MTO1: variants seen among roughly 807,000 people sequenced by gnomAD.
MTO1 encodes 5-taurinomethyluridine-[tRNA] synthase subunit MTO1, mitochondrial.
MTO1 carries 46 observed loss-of-function variants against 71.6 expected under a neutral mutation model. That is an observed-to-expected ratio of 0.64 (90% CI 0.51 to 0.82). The LOEUF is 0.82. Among genes scored for constraint, MTO1 ranks in the 40% least tolerant of loss-of-function variants. The probability of loss-of-function intolerance (pLI) is 0.00; values close to 1 mark genes in which losing one functional copy is unlikely to be tolerated. For synonymous variants in MTO1, 297 were observed against 312.1 expected (o/e 0.95, Z 0.51); for missense variants, 773 against 867.5 (o/e 0.89, Z 1.37).
At chr6:73,462,213 G>C in intron 1 of MTO1, 142 bp downstream of exon 1, 1 of 884,458 alleles carries the variant, frequency 1.1e-6, no homozygotes, top group Non-Finnish European at 1.7e-6. Flanking sequence ...CTCGATCAGT[G>C]TCTCGCAAGG....
chr6:73,482,890 C>G (rs1309676286), intron 9 of MTO1, among the ~76,000 whole-genome samples: 1 of 141,770 alleles, frequency 7.1e-6, no homozygotes, highest in African/African-American at 2.6e-5. Context: ...CTCCCGGGTT[C>G]GCGCCATTCT....
Position 73,473,547 on chromosome 6 carries a change from C to T in MTO1, c.718C>T (p.Pro240Ser), listed in dbSNP as rs1192411843. The change falls in exon 4 of 12, where the codon CCA (proline) becomes TCA (serine). Residue 240 changes from proline (P) to serine (S), a missense_variant. Coordinates refer to ENST00000498286, the MANE Select transcript of MTO1 (RefSeq NM_012123.4). ...FVVGRLKTGT[P>S]PRIAKESINF... is the part of the protein sequence containing the mutation. ...GGTGGGAAGGTTGAAGACTGGGACT[C>T]CACCCCGAATTGCCAAAGAGTCCAT... 6.2e-7 allele frequency: 1 copy of T among 1,613,910 alleles called. No homozygotes were observed. Among genetic ancestry groups the T allele is most frequent in the East Asian group, 2.2e-5 (1 of 44,870 alleles).
At chr6:73,488,869 G>T (rs1301184324) in intron 9 of MTO1, among the ~76,000 whole-genome samples, 5 of 152,192 alleles carry the variant, frequency 3.3e-5, no homozygotes, top group Non-Finnish European at 4.4e-5. Context: ...AGTGAGCACA[G>T]ATCATGCCAC....
At chr6:73,481,865 T>G (rs151139268) in intron 7 of MTO1, among the ~76,000 whole-genome samples, 175 bp from the exon 8 acceptor site, 3 of 152,164 alleles carry the variant, frequency 2.0e-5, no homozygotes, top group African/African-American at 7.2e-5. Flanking sequence ...TAAAGTGATA[T>G]ATTACCCATA....
chr6:73,482,922 G>T (rs1310379004), intron 9 of MTO1, among the ~76,000 whole-genome samples: 5 of 150,384 alleles, frequency 3.3e-5, no homozygotes, highest in African/African-American at 1.2e-4. Context: ...CCCCCGAGTA[G>T]CTGGGACTAC....
chr6:73,497,248 G>T (rs1421420368), intron 10 of MTO1, among the ~76,000 whole-genome samples: 1 of 136,248 alleles, frequency 7.3e-6, no homozygotes, highest in East Asian at 2.4e-4. Context: ...CACCTCCGGG[G>T]TTCAAGCAAT....
rs568109705 is a variant in MTO1 at position 73,500,795 on chromosome 6, T to C, written c.*60T>C. On this transcript the variant is annotated 3_prime_UTR_variant, in exon 12 of 12. Transcript: ENST00000498286. The stretch of plus-strand genomic sequence containing the variant: ...AAATAATTTGATCAATACAACAGTA[T>C]AGATAAAAGAATTATTTAGCACATG... 12 of 1,280,136 alleles carry C rather than the reference T, an allele frequency of 9.4e-6. No individual in the cohort carries two copies. The African/African-American group carries it at 1.1e-4, about 11-fold the overall frequency. The allele number at this position is 1,280,136 out of a possible 1,614,324, so 79.3% of individuals were successfully genotyped here.
chr6:73,466,314 G>T lies in MTO1; in HGVS notation c.323G>T (p.Gly108Val). 6.2e-7 allele frequency: 1 copy of T among 1,614,156 alleles called. No individual in the cohort carries two copies. The highest frequency in any genetic ancestry group is 8.5e-7 in the Non-Finnish European group (1 of 1,180,036). Residue 108 changes from glycine to valine, a missense_variant, in exon 2 of 12, where the codon GGT (glycine) becomes GTT (valine). By Grantham distance (109) the Gly-to-Val change is moderately radical. Coordinates refer to ENST00000498286, the MANE Select transcript of MTO1 (RefSeq NM_012123.4). Reference protein sequence around the residue: ...GLCSRICDQSGVHYKVLNRRK... With the variant: ...GLCSRICDQSVVHYKVLNRRK... ...TGTTCTCGCATCTGTGACCAGTCTG[G>T]TGTACATTATAAAGTATTAAACCGG...
chr6:73,500,128 A>C (rs1772113680), intron 11 of MTO1, among the ~76,000 whole-genome samples: 1 of 152,120 alleles, frequency 6.6e-6, no homozygotes, highest in Admixed American at 6.6e-5. Flanking sequence ...GTTTTCTGAG[A>C]GGCTAGTACT....
intron 10 of MTO1, among the ~76,000 whole-genome samples, chr6:73,493,152 G>A (rs1056518967): frequency 2.6e-5 from 4 of 151,176 alleles, no homozygotes; most frequent in East Asian, 2.0e-4. Context: ...GCACCACCAC[G>A]CCTGGCTAAT....
chr6:73,462,700 C>T (rs1296620345), intron 1 of MTO1, among the ~76,000 whole-genome samples: 1 of 152,020 alleles, frequency 6.6e-6, no homozygotes, highest in Non-Finnish European at 1.5e-5. Flanking sequence ...TTCACTCCAG[C>T]CTGGGCAAAA....
At chr6:73,466,758 G>A (rs1771012607) in intron 3 of MTO1, 152 bp downstream of exon 3, 2 of 650,194 alleles carry the variant, frequency 3.1e-6, no homozygotes, top group East Asian at 2.8e-5. Flanking sequence ...AAATAAATAT[G>A]TTTCTCTTTT....
intron 7 of MTO1, 125 bp from the exon 8 acceptor site, chr6:73,481,915 A>G (rs1445618499): frequency 1.3e-5 from 12 of 932,238 alleles, no homozygotes; most frequent in East Asian, 2.5e-5. Flanking sequence ...TACCTCTATT[A>G]TATCCCTTAG....
chr6:73,493,820 T>A (rs1771904540), intron 10 of MTO1, among the ~76,000 whole-genome samples: 1 of 152,216 alleles, frequency 6.6e-6, no homozygotes, highest in African/African-American at 2.4e-5. Context: ...TACTCTACCA[T>A]TGACAAATAC....
At position 73,480,784 on chromosome 6, in the gene MTO1, T is replaced by C; in HGVS notation, c.1239T>C (p.Gly413=). 6.2e-7 allele frequency: 1 copy of C among 1,613,950 alleles called. No homozygotes were observed. Among genetic ancestry groups the C allele is most frequent in the Non-Finnish European group, 8.5e-7 (1 of 1,179,966 alleles). Residue 413 remains glycine (G), a synonymous_variant, in exon 7 of 12, where the codon GGT becomes GGC. Coordinates refer to ENST00000498286, the MANE Select transcript of MTO1 (RefSeq NM_012123.4). ...FFAGQINGTT[G]YEEAAAQGVI... is the part of the protein sequence containing the mutation. ...CTGGACAGATCAATGGCACCACTGG[T>C]TATGAGGAAGCTGCAGCTCAAGTAA...
At chr6:73,494,216 C>G (rs187047965) in intron 10 of MTO1, among the ~76,000 whole-genome samples, 6 of 151,772 alleles carry the variant, frequency 4.0e-5, no homozygotes, top group Non-Finnish European at 8.8e-5. Context: ...GCCTGAGCGA[C>G]AAGAGCGAGA....
At position 73,507,939 on chromosome 6, in the gene MTO1, T is replaced by C. The variant is rs2150048628; in HGVS notation, c.*7204T>C. 7.1e-6 allele frequency: 1 copy of C among 140,478 alleles called. No individual in the cohort carries two copies. Among genetic ancestry groups the C allele is most frequent in the South Asian group, 2.2e-4 (1 of 4,474 alleles). 8.7% of individuals were successfully genotyped at this position (140,478 alleles called of 1,614,324 possible). A position where few individuals can be genotyped will look rare whatever the true frequency, so the allele number is the denominator to read the frequency against. ...TTGCAATGAGCCGAGATCGCGCCAC[T>C]GCACTCTAGCCTGGGCGACAAAGCG... On this transcript the variant is annotated 3_prime_UTR_variant, in exon 12 of 12. Transcript: ENST00000498286.
chr6:73,470,297 C>A (rs879747065), intron 3 of MTO1, among the ~76,000 whole-genome samples: 1 of 151,920 alleles, frequency 6.6e-6, no homozygotes, highest in Non-Finnish European at 1.5e-5. Context: ...ACCTCTGCCC[C>A]CCAGGTTCAA....
chr6:73,473,115 A>G (rs907419944), intron 3 of MTO1, among the ~76,000 whole-genome samples: 1 of 152,210 alleles, frequency 6.6e-6, no homozygotes, highest in African/African-American at 2.4e-5. Flanking sequence ...CCCCATCTCT[A>G]CTAAAAATAT....
Sources: allele counts gnomAD v4.1 joint callset (sites outside exome capture counted in the v4.1 genomes callset), GRCh38; gene constraint gnomAD v4.1.1; transcripts MANE v1.5; gene names NCBI Gene and HGNC (gene_info 2026-07-23, HGNC 2026-07-21).